GRID1: variants seen among roughly 807,000 people sequenced by gnomAD.
GRID1 encodes the protein glutamate ionotropic receptor delta type subunit 1.
A neutral mutation model predicts 98.0 loss-of-function variants in GRID1; 28 were observed. The observed-to-expected ratio is 0.29, with a 90% CI of 0.21 to 0.39. GRID1 has a LOEUF of 0.39. Ranked by LOEUF, GRID1 falls within the 10% of genes least tolerant of loss-of-function variation. The pLI is 1.00. For missense variants in GRID1, 1,111 were observed against 1,340.5 expected, an observed-to-expected ratio of 0.83 and a Z score of 2.67; for synonymous variants, 553 against 538.5, an observed-to-expected ratio of 1.03 and a Z score of -0.37.
chr10:86,040,639 G>C (rs753032860), intron 4 of GRID1, among the ~76,000 whole-genome samples: 2 of 151,916 alleles, frequency 1.3e-5, no homozygotes, highest in African/African-American at 2.4e-5. Flanking sequence ...GTTAACGTTT[G>C]TTATGTTAGA....
Position 86,292,181 on chromosome 10 carries a change from C to T in GRID1, c.235+71760G>A, listed in dbSNP as rs529834880. ...ACGCCCCAGCACAGACTCAGGGGAA[C>T]CTGACCAAGGGGAGAAGCCACAAGG... On this transcript the variant is annotated intron_variant, in intron 2 of 15. Transcript: ENST00000327946. Among the ~76,000 whole-genome samples, 3 of 152,326 alleles carry T rather than the reference C, an allele frequency of 2.0e-5. No homozygotes were observed. The South Asian group carries it at 6.2e-4, about 32-fold the overall frequency.
At chr10:86,152,882 A>G (rs945240154) in intron 3 of GRID1, among the ~76,000 whole-genome samples, 1 of 152,150 alleles carries the variant, frequency 6.6e-6, no homozygotes, top group African/African-American at 2.4e-5. Context: ...ACAGCTTTCC[A>G]CTGACCTCAT....
At chr10:85,724,934 C>T (rs1056702635) in intron 10 of GRID1, among the ~76,000 whole-genome samples, 3 of 152,220 alleles carry the variant, frequency 2.0e-5, no homozygotes, top group Admixed American at 6.5e-5. Flanking sequence ...AGTAAAGTAT[C>T]TTCATTTCTC....
At chr10:86,090,342 GGCAGAGGTT>G (rs1055798063) in intron 4 of GRID1, among the ~76,000 whole-genome samples, 3 of 151,984 alleles carry the variant, frequency 2.0e-5, no homozygotes, top group African/African-American at 7.2e-5. Flanking sequence ...GAACCTGGGA[GGCAGAGGTT>G]GCCGTGAGCT....
At chr10:85,905,554 T>C (rs1007392352) in intron 5 of GRID1, among the ~76,000 whole-genome samples, 3 of 152,290 alleles carry the variant, frequency 2.0e-5, no homozygotes, top group Admixed American at 2.0e-4. Flanking sequence ...AATAACTATG[T>C]ATTTTTGTGT....
At chr10:86,356,425 A>AGTAG (rs1389768714) in intron 2 of GRID1, among the ~76,000 whole-genome samples, 6 of 152,222 alleles carry the variant, frequency 3.9e-5, no homozygotes, top group Non-Finnish European at 7.3e-5. Flanking sequence ...CCAGGCACAT[A>AGTAG]GTAGGGCTGT....
chr10:86,026,942 G>A (rs533098940), intron 4 of GRID1, among the ~76,000 whole-genome samples: 4 of 152,266 alleles, frequency 2.6e-5, no homozygotes, highest in East Asian at 3.9e-4. Context: ...TCACAGCTGC[G>A]TGGAGACAAA....
chr10:85,761,519 C>G (rs1316593643), intron 8 of GRID1, among the ~76,000 whole-genome samples: 2 of 152,184 alleles, frequency 1.3e-5, no homozygotes, highest in Non-Finnish European at 2.9e-5. Flanking sequence ...GCAGAGGTAA[C>G]AGGCATACAA....
chr10:85,688,617 T>C (rs1043751706), intron 12 of GRID1, among the ~76,000 whole-genome samples: 11 of 152,166 alleles, frequency 7.2e-5, no homozygotes, highest in Admixed American at 5.2e-4. Flanking sequence ...TTGAGGCATA[T>C]TTATGAGGCA....
intron 12 of GRID1, among the ~76,000 whole-genome samples, chr10:85,704,432 A>T (rs1210918394): frequency 6.6e-6 from 1 of 152,222 alleles, no homozygotes; most frequent in African/African-American, 2.4e-5. Context: ...TCCTAAATAT[A>T]TATGCACCCA....
intron 4 of GRID1, among the ~76,000 whole-genome samples, chr10:85,980,769 T>G (rs544939902): frequency 6.6e-6 from 1 of 152,318 alleles, no homozygotes; most frequent in Admixed American, 6.5e-5. Context: ...GGCCCAAACT[T>G]GGAGCCTCAA....
At chr10:86,188,780 C>A (rs768463254) in intron 3 of GRID1, among the ~76,000 whole-genome samples, 1 of 152,214 alleles carries the variant, frequency 6.6e-6, no homozygotes, top group Non-Finnish European at 1.5e-5. Flanking sequence ...CCCATTTAAT[C>A]CACTATCTAA....
chr10:86,189,132 A>G (rs1845766206), intron 3 of GRID1, among the ~76,000 whole-genome samples: 6 of 152,108 alleles, frequency 3.9e-5, no homozygotes, highest in Admixed American at 3.9e-4. Context: ...CCCTTCTCTA[A>G]AAGTGGGGGT....
At chr10:85,803,008 T>C (rs966596987) in intron 8 of GRID1, among the ~76,000 whole-genome samples, 2 of 151,862 alleles carry the variant, frequency 1.3e-5, no homozygotes, top group African/African-American at 2.4e-5. Context: ...GGAATAAATA[T>C]ACAATAAAAA....
At chr10:86,210,178 A>G (rs184795671) in intron 2 of GRID1, among the ~76,000 whole-genome samples, 44 of 152,252 alleles carry the variant, frequency 2.9e-4, no homozygotes, top group African/African-American at 1.0e-3. Flanking sequence ...GAAGGAAGGG[A>G]CTTAGAACCT....
At chr10:86,127,940 A>G (rs1844777772) in intron 4 of GRID1, among the ~76,000 whole-genome samples, 1 of 152,198 alleles carries the variant, frequency 6.6e-6, no homozygotes, top group Admixed American at 6.5e-5. Context: ...GGCCCTCTCA[A>G]GAGCATTCCC....
At chr10:86,077,236 T>C (rs1843895808) in intron 4 of GRID1, among the ~76,000 whole-genome samples, 1 of 136,972 alleles carries the variant, frequency 7.3e-6, no homozygotes, top group African/African-American at 2.7e-5. Context: ...GGTCATTCAT[T>C]CAGCTGCACA....
At chr10:85,943,867 C>A (rs1470226478) in intron 4 of GRID1, among the ~76,000 whole-genome samples, 1 of 152,252 alleles carries the variant, frequency 6.6e-6, no homozygotes, top group African/African-American at 2.4e-5. Flanking sequence ...GAGATATCTA[C>A]TTCCCCAAGC....
chr10:86,153,442 C>T (rs1204427301), intron 3 of GRID1, among the ~76,000 whole-genome samples: 2 of 152,188 alleles, frequency 1.3e-5, no homozygotes, highest in Admixed American at 1.3e-4. Flanking sequence ...GATAAATACA[C>T]AAAGTTCATC....
Sources: gnomAD v4.1 joint callset for allele counts (sites outside exome capture counted in the v4.1 genomes callset) on GRCh38, gnomAD v4.1.1 for gene constraint, MANE v1.5 for transcripts, NCBI Gene and HGNC (gene_info 2026-07-23, HGNC 2026-07-21) for gene names.